Variants in PCDHA11 observed in about 807,000 individuals in gnomAD.
The protein encoded by PCDHA11 is protocadherin alpha-11.
A neutral mutation model predicts 70.3 loss-of-function variants in PCDHA11; 61 were observed. The observed-to-expected ratio is 0.87, with a 90% CI of 0.71 to 1.07. The LOEUF (loss-of-function observed/expected upper bound fraction) is 1.07, where lower values mean the gene tolerates loss of function less well. Among genes scored for constraint, PCDHA11 ranks in the 50% least tolerant of loss-of-function variants. The pLI is 0.00. For missense variants in PCDHA11, 1,324 were observed against 1,237.5 expected (o/e 1.07, Z -1.05); for synonymous variants, 633 against 555.1 (o/e 1.14, Z -1.97).
chr5:140,993,526 A>G (rs1554253825), intron 3 of PCDHA11, among the ~76,000 whole-genome samples: 1 of 147,824 alleles, frequency 6.8e-6, no homozygotes, highest in Admixed American at 6.7e-5. Flanking sequence ...AGAGAGACAG[A>G]GAGAGAGAGA....
At chr5:140,965,196 AG>A (rs2095879471) in intron 1 of PCDHA11, among the ~76,000 whole-genome samples, 3 of 152,254 alleles carry the variant, frequency 2.0e-5, no homozygotes, top group Non-Finnish European at 4.4e-5. Flanking sequence ...ATGAGGCAAT[AG>A]ATTTCAAATT....
intron 1 of PCDHA11, among the ~76,000 whole-genome samples, chr5:140,898,068 C>A (rs1420706890): frequency 8.5e-5 from 13 of 152,050 alleles, no homozygotes; most frequent in African/African-American, 2.7e-4. Context: ...TGTTTGAGTT[C>A]ATTGTAGATT....
At chr5:140,917,318 A>G (rs961734758) in intron 1 of PCDHA11, among the ~76,000 whole-genome samples, 1 of 99,850 alleles carries the variant, frequency 1.0e-5, no homozygotes, top group South Asian at 3.3e-4. Context: ...TTTGGTGTTC[A>G]TGTGGCGGGG....
At chr5:140,876,217 G>A (rs976376933) in intron 1 of PCDHA11, 1 of 1,614,006 alleles carries the variant, frequency 6.2e-7, no homozygotes. Flanking sequence ...CAGCTATAAA[G>A]TAGTGTTGTC....
chr5:140,926,757 A>T, intron 1 of PCDHA11: 1 of 1,278,278 alleles, frequency 7.8e-7, no homozygotes, highest in Non-Finnish European at 1.0e-6. Flanking sequence ...GCGGTCGCTG[A>T]GTATCCAGCC....
intron 1 of PCDHA11, among the ~76,000 whole-genome samples, chr5:140,915,331 T>G (rs1485344164): frequency 6.6e-6 from 1 of 152,184 alleles, no homozygotes; most frequent in Non-Finnish European, 1.5e-5. Context: ...TGTTATAATA[T>G]TCTGTGTTTT....
At chr5:140,877,159 C>G in intron 1 of PCDHA11, 2 of 1,613,818 alleles carry the variant, frequency 1.2e-6, no homozygotes, top group Non-Finnish European at 1.7e-6. Flanking sequence ...CGACAACGCG[C>G]CGGCACTGCT....
intron 1 of PCDHA11, chr5:140,968,357 C>T: frequency 6.2e-7 from 1 of 1,614,080 alleles, no homozygotes; most frequent in Non-Finnish European, 8.5e-7. Context: ...CAGTGGCAGC[C>T]TTTATGCTGT....
chr5:140,975,903 C>A (rs1189531342), intron 1 of PCDHA11, among the ~76,000 whole-genome samples: 1 of 152,090 alleles, frequency 6.6e-6, no homozygotes, highest in Admixed American at 6.6e-5. Context: ...AGTTTTGTGA[C>A]CATTATTCTA....
chr5:140,899,056 G>A (rs1370417194), intron 1 of PCDHA11, among the ~76,000 whole-genome samples: 1 of 152,062 alleles, frequency 6.6e-6, no homozygotes, highest in Non-Finnish European at 1.5e-5. Context: ...CTGAGACTTT[G>A]CTGAAGTTGC....
chr5:140,910,661 A>G (rs1289499574), intron 1 of PCDHA11, among the ~76,000 whole-genome samples: 1 of 152,186 alleles, frequency 6.6e-6, no homozygotes, highest in Non-Finnish European at 1.5e-5. Context: ...CTTCCTCTAC[A>G]TTAAACCAAG....
At chr5:140,975,935 C>A (rs1351802479) in intron 1 of PCDHA11, among the ~76,000 whole-genome samples, 1 of 152,060 alleles carries the variant, frequency 6.6e-6, no homozygotes, top group Non-Finnish European at 1.5e-5. Flanking sequence ...ACCTTTGAAG[C>A]AATAGGACAT....
intron 1 of PCDHA11, among the ~76,000 whole-genome samples, chr5:140,941,185 C>CTT (rs782102770): frequency 2.0e-5 from 2 of 102,242 alleles, no homozygotes; most frequent in East Asian, 7.3e-4. Context: ...CATCCTGCTT[C>CTT]TTTTTTTTTC....
At chr5:140,920,411 T>G (rs533328116) in intron 1 of PCDHA11, among the ~76,000 whole-genome samples, 39 of 152,352 alleles carry the variant, frequency 2.6e-4, no homozygotes, top group Middle Eastern at 3.4e-3. Flanking sequence ...TTTAATCAGA[T>G]ACAGCTGTTC....
chr5:140,994,249 G>A (rs17119346), intron 3 of PCDHA11, among the ~76,000 whole-genome samples: 45,238 of 152,008 alleles, frequency 0.3, 6,962 homozygotes, highest in East Asian at 0.43. Flanking sequence ...CAAACCCTAG[G>A]TAAATAAGGT....
chr5:141,004,933 AAAAT>A (rs1336216932), intron 3 of PCDHA11, among the ~76,000 whole-genome samples: 1 of 152,198 alleles, frequency 6.6e-6, no homozygotes, highest in Non-Finnish European at 1.5e-5. Flanking sequence ...AAGAGAGAAG[AAAAT>A]TTCTTACCCT....
rs782459625 is a variant in PCDHA11 at position 140,871,299 on chromosome 5, G to C, written c.2196G>C (p.Ala732=). 6.2e-7 allele frequency: 1 copy of C among 1,613,916 alleles called. No individual in the cohort carries two copies. The highest frequency in any genetic ancestry group is 8.5e-7 in the Non-Finnish European group (1 of 1,179,932). The change falls in exon 1 of 4, where the codon GCG becomes GCC. Residue 732 remains alanine (A), a synonymous_variant. Coordinates refer to ENST00000398640, the MANE Select transcript of PCDHA11 (RefSeq NM_018902.5). ...WSATPTEGAC[A]PGKPTLVCSR... ...CAACGCCCACTGAGGGCGCGTGCGC[G>C]CCGGGGAAGCCCACGCTGGTGTGCT...
chr5:140,888,755 T>C (rs1290458155), intron 1 of PCDHA11, among the ~76,000 whole-genome samples: 1 of 146,364 alleles, frequency 6.8e-6, no homozygotes, highest in African/African-American at 2.5e-5. Flanking sequence ...TTCTACCCAC[T>C]TTTTTTTTTA....
chr5:140,926,881 C>G, intron 1 of PCDHA11: 1 of 1,541,960 alleles, frequency 6.5e-7, no homozygotes, highest in Non-Finnish European at 8.8e-7. Context: ...AACGTGGACG[C>G]CTAGAGGGAG....
Sources: allele counts gnomAD v4.1 joint callset (sites outside exome capture counted in the v4.1 genomes callset), GRCh38; gene constraint gnomAD v4.1.1; transcripts MANE v1.5; gene names NCBI Gene and HGNC (gene_info 2026-07-23, HGNC 2026-07-21).